The following CHST11 variants were observed in gnomAD, a reference collection of about 807,000 sequenced individuals.
The protein encoded by CHST11 is C4S-1.
Under a neutral mutation model 30.4 loss-of-function variants are expected in CHST11, and 9 were observed. The ratio of observed to expected loss-of-function variants is 0.30; its 90% CI spans 0.18 to 0.52. The LOEUF (loss-of-function observed/expected upper bound fraction) is 0.52. Among genes scored for constraint, CHST11 ranks in the 20% least tolerant of loss-of-function variants. The pLI is 0.97. For missense variants in CHST11, 348 were observed against 460.6 expected (o/e 0.76, Z 2.24); for synonymous variants, 152 against 187.8 (o/e 0.81, Z 1.56).
chr12:104,695,284 A>T (rs191469821), intron 2 of CHST11, among the ~76,000 whole-genome samples: 130 of 152,288 alleles, frequency 8.5e-4, no homozygotes, highest in African/African-American at 2.8e-3. Flanking sequence ...GCCTCAGCTC[A>T]GCCCCCTCCA....
chr12:104,488,575 GTGTGTGTATGTATGCGTATGTATGCGTA>G (rs1451974066), intron 1 of CHST11, among the ~76,000 whole-genome samples: 55 of 134,236 alleles, frequency 4.1e-4, no homozygotes, highest in African/African-American at 1.2e-3. Flanking sequence ...GCGTGTGTAT[GTGTGTGTATGTATGCGTATGTATGCGTA>G]TGTGTGTATG....
At chr12:104,618,911 G>C (rs2039134402) in intron 2 of CHST11, among the ~76,000 whole-genome samples, 1 of 152,222 alleles carries the variant, frequency 6.6e-6, no homozygotes, top group Non-Finnish European at 1.5e-5. Flanking sequence ...TTGATTAAAT[G>C]AGTGACCTGA....
At chr12:104,547,909 C>T (rs1315479996) in intron 1 of CHST11, among the ~76,000 whole-genome samples, 3 of 152,128 alleles carry the variant, frequency 2.0e-5, no homozygotes, top group Non-Finnish European at 4.4e-5. Context: ...TGGCAGCTCT[C>T]TTGTACACAT....
chr12:104,686,013 G>A lies in CHST11; in HGVS notation c.205-70936G>A, dbSNP rs1429994210. The stretch of plus-strand genomic sequence containing the variant: ...AGTTCAAAGTGGGAGGACCACTTGA[G>A]GCCAGGAGTTTGAGACCAGCCTAGG... On this transcript the variant is annotated intron_variant, in intron 2 of 2. Coordinates refer to ENST00000303694, the MANE Select transcript of CHST11 (RefSeq NM_018413.6). Among the ~76,000 whole-genome samples, 17 of 152,144 alleles carry A rather than the reference G, an allele frequency of 1.1e-4. No homozygotes were observed. In the East Asian group the frequency reaches 3.1e-3, roughly 28 times the overall value.
At chr12:104,583,992 C>T (rs1325091934) in intron 1 of CHST11, among the ~76,000 whole-genome samples, 2 of 152,180 alleles carry the variant, frequency 1.3e-5, no homozygotes, top group African/African-American at 2.4e-5. Context: ...GGATTACAGG[C>T]GTGAGCCACC....
intron 2 of CHST11, among the ~76,000 whole-genome samples, chr12:104,607,975 T>C (rs2039022911): frequency 6.6e-6 from 1 of 152,180 alleles, no homozygotes; most frequent in Non-Finnish European, 1.5e-5. Context: ...GGGGTTAGAC[T>C]GGATCAGTGT....
At chr12:104,571,609 G>A (rs547622670) in intron 1 of CHST11, among the ~76,000 whole-genome samples, 127 of 152,318 alleles carry the variant, frequency 8.3e-4, no homozygotes, top group African/African-American at 2.9e-3. Flanking sequence ...CCACACAAGA[G>A]GAAGTGGCAG....
intron 2 of CHST11, among the ~76,000 whole-genome samples, chr12:104,635,840 A>G (rs888779132): frequency 3.3e-5 from 5 of 152,222 alleles, no homozygotes; most frequent in Non-Finnish European, 7.3e-5. Flanking sequence ...AGACCCCAGT[A>G]TGTACAACTA....
intron 1 of CHST11, among the ~76,000 whole-genome samples, chr12:104,544,379 G>A (rs2038321774): frequency 6.6e-6 from 1 of 152,042 alleles, no homozygotes. Flanking sequence ...GATTGATAGG[G>A]AGAGAGGAGG....
At chr12:104,514,153 A>T (rs1270051486) in intron 1 of CHST11, 1 of 1,085,416 alleles carries the variant, frequency 9.2e-7, no homozygotes, top group East Asian at 2.4e-5. Context: ...CAGCCTTCCT[A>T]CAGCAGTTCC....
chr12:104,704,754 C>T (rs778467500), intron 2 of CHST11, among the ~76,000 whole-genome samples: 1 of 151,762 alleles, frequency 6.6e-6, no homozygotes, highest in African/African-American at 2.4e-5. Context: ...CTCAGAACCC[C>T]GGCCTTTGGA....
At position 104,491,443 on chromosome 12, in the gene CHST11, CTCTTCT is replaced by C. The variant is rs147243817; in HGVS notation, c.118+33931_118+33936del. 1.3e-4 allele frequency among the ~76,000 whole-genome samples: 19 copies of C among 151,620 alleles called. No individual in the cohort carries two copies. In the East Asian group the frequency reaches 1.4e-3, roughly 11 times the overall value. On this transcript the variant is annotated intron_variant, in intron 1 of 2. Coordinates refer to ENST00000303694, the MANE Select transcript of CHST11 (RefSeq NM_018413.6). ...GAAACAAGAACCACTTTACCTTAGT[CTCTTCT>C]TCTTCTTCTTCTTCTTTTCTTTTCT... is the stretch of plus-strand genomic sequence containing the variant.
intron 2 of CHST11, among the ~76,000 whole-genome samples, chr12:104,671,838 C>T (rs1007908513): frequency 6.6e-6 from 1 of 152,112 alleles, no homozygotes; most frequent in Non-Finnish European, 1.5e-5. Context: ...CAAATGGAAA[C>T]CCCCTTTGTC....
chr12:104,606,752 T>G (rs376413061), intron 2 of CHST11, among the ~76,000 whole-genome samples: 10 of 152,288 alleles, frequency 6.6e-5, no homozygotes, highest in African/African-American at 2.2e-4. Flanking sequence ...ACTTCTGGAA[T>G]GGCATGGAAT....
intron 1 of CHST11, among the ~76,000 whole-genome samples, chr12:104,533,845 G>A (rs1314009384): frequency 2.0e-5 from 3 of 152,192 alleles, no homozygotes; most frequent in Non-Finnish European, 4.4e-5. Context: ...GAGACAGGCA[G>A]CTTTTCTGGA....
intron 2 of CHST11, among the ~76,000 whole-genome samples, chr12:104,702,513 G>A (rs1035107361): frequency 1.3e-5 from 2 of 151,796 alleles, no homozygotes; most frequent in Non-Finnish European, 2.9e-5. Flanking sequence ...GATTCCTCAC[G>A]GTGGTCCTGA....
chr12:104,581,660 C>T (rs1225043486), intron 1 of CHST11, among the ~76,000 whole-genome samples: 2 of 152,144 alleles, frequency 1.3e-5, no homozygotes, highest in African/African-American at 4.8e-5. Context: ...GACCCACTAC[C>T]TCTGTCTAAC....
intron 1 of CHST11, among the ~76,000 whole-genome samples, chr12:104,481,499 G>C (rs1238445172): frequency 6.6e-6 from 1 of 152,132 alleles, no homozygotes; most frequent in Non-Finnish European, 1.5e-5. Context: ...GAAAGAAATG[G>C]TTTCAAAAAC....
intron 1 of CHST11, among the ~76,000 whole-genome samples, chr12:104,486,638 G>C (rs957525739): frequency 1.3e-5 from 2 of 152,274 alleles, no homozygotes; most frequent in South Asian, 2.1e-4. Context: ...CTTCACCATG[G>C]TGAGTATTTA....
Sources: allele counts gnomAD v4.1 joint callset (sites outside exome capture counted in the v4.1 genomes callset), GRCh38; gene constraint gnomAD v4.1.1; transcripts MANE v1.5; gene names NCBI Gene and HGNC (gene_info 2026-07-23, HGNC 2026-07-21).